PARD3B: variants seen among roughly 807,000 people sequenced by gnomAD.
PARD3B encodes the protein par-3 family cell polarity regulator beta.
PARD3B carries 103 observed loss-of-function variants against 130.2 expected under a neutral mutation model. That is an observed-to-expected ratio of 0.79 (90% confidence interval 0.67 to 0.93). The LOEUF (loss-of-function observed/expected upper bound fraction) is 0.93, where lower values mean the gene tolerates loss of function less well. PARD3B is among the 40% of genes least tolerant of loss of function. The probability of loss-of-function intolerance (pLI) is 0.00; values close to 1 mark genes in which losing one functional copy is unlikely to be tolerated. For synonymous variants in PARD3B, 583 were observed against 553.2 expected, an observed-to-expected ratio of 1.05 and a Z score of -0.76; for missense variants, 1,609 against 1,499.2, an observed-to-expected ratio of 1.07 and a Z score of -1.21.
rs141980181 is a variant in PARD3B at position 205,463,317 on chromosome 2, G to A, written c.3044+22645G>A. Among the ~76,000 whole-genome samples, 5 of 151,996 alleles carry A rather than the reference G, an allele frequency of 3.3e-5. No individual in the cohort carries two copies. The highest frequency in any genetic ancestry group is 5.9e-5 in the Non-Finnish European group (4 of 68,000). On this transcript the variant is annotated intron_variant, in intron 20 of 22. Coordinates refer to ENST00000406610, the MANE Select transcript of PARD3B (RefSeq NM_001302769.2). The surrounding 1 kb of genome is among the most constrained non-coding windows in gnomAD (Gnocchi z 4.8). ...GGAACTCAGCTGAGGTGAGGAACACGTCCACGAGTTTCCCCTGTGGGCATC... is the reference window on the plus strand; with the variant it reads ...GGAACTCAGCTGAGGTGAGGAACACATCCACGAGTTTCCCCTGTGGGCATC...
intron 4 of PARD3B, among the ~76,000 whole-genome samples, chr2:205,084,231 A>G (rs1701609781): frequency 6.6e-6 from 1 of 152,132 alleles, no homozygotes; most frequent in Non-Finnish European, 1.5e-5. Flanking sequence ...CTTAGAAGTT[A>G]GTGAAAAAAC....
intron 22 of PARD3B, among the ~76,000 whole-genome samples, chr2:205,596,308 G>A (rs917958452): frequency 6.6e-6 from 1 of 152,152 alleles, no homozygotes; most frequent in Non-Finnish European, 1.5e-5. Context: ...ACACAGTTCA[G>A]TAACCTTTGT....
chr2:204,546,128 G>A lies in PARD3B; in HGVS notation c.120+9G>A, dbSNP rs1033129969. 1.9e-6 allele frequency: 3 copies of A among 1,552,656 alleles called. No homozygotes were observed. The highest frequency in any genetic ancestry group is 1.7e-4 in the Middle Eastern group (1 of 5,994). Reference sequence around the variant, plus strand: ...TGAAGACCCGGGAGAAGGTGAGCGCGGCGCGGAGGAGTGGGGCGCGGCTGC... The same window carrying A: ...TGAAGACCCGGGAGAAGGTGAGCGCAGCGCGGAGGAGTGGGGCGCGGCTGC... On this transcript the variant is annotated intron_variant, in intron 1 of 22. Coordinates refer to ENST00000406610, the MANE Select transcript of PARD3B (RefSeq NM_001302769.2).
chr2:204,875,926 ACT>A (rs2045824813), intron 2 of PARD3B, among the ~76,000 whole-genome samples: 1 of 152,076 alleles, frequency 6.6e-6, no homozygotes, highest in South Asian at 2.1e-4. Flanking sequence ...GGACCTGCTG[ACT>A]CTGAGTAGGC....
intron 2 of PARD3B, among the ~76,000 whole-genome samples, chr2:204,803,744 TCCAGAGAAAA>T (rs1343402668): frequency 6.6e-6 from 1 of 151,984 alleles, no homozygotes; most frequent in Non-Finnish European, 1.5e-5. Context: ...AAAATATACT[TCCAGAGAAAA>T]CCACATTCAC....
intron 16 of PARD3B, among the ~76,000 whole-genome samples, chr2:205,278,141 T>C (rs2041024875): frequency 6.6e-6 from 1 of 152,164 alleles, no homozygotes; most frequent in African/African-American, 2.4e-5. Context: ...TTATTGGTTC[T>C]GGCAATTAGG....
chr2:205,393,335 G>A (rs1044643825), intron 18 of PARD3B, among the ~76,000 whole-genome samples: 2 of 152,162 alleles, frequency 1.3e-5, no homozygotes, highest in African/African-American at 4.8e-5. Flanking sequence ...ATCATGCCTA[G>A]TTTGTAAGTC....
At chr2:205,044,650 G>T (rs1284671499) in intron 3 of PARD3B, among the ~76,000 whole-genome samples, 1 of 152,060 alleles carries the variant, frequency 6.6e-6, no homozygotes, top group Non-Finnish European at 1.5e-5. Flanking sequence ...TTTTGATGGG[G>T]TTGTTTTTTT....
At chr2:205,329,510 G>A (rs984467660) in intron 18 of PARD3B, among the ~76,000 whole-genome samples, 1 of 152,142 alleles carries the variant, frequency 6.6e-6, no homozygotes, top group African/African-American at 2.4e-5. Context: ...ACTCTTGCAA[G>A]GTAACTGCAG....
chr2:204,809,764 T>C (rs1340078096), intron 2 of PARD3B, among the ~76,000 whole-genome samples: 1 of 152,190 alleles, frequency 6.6e-6, no homozygotes, highest in South Asian at 2.1e-4. Context: ...ATTGTTGTTT[T>C]CTAGTTCTGT....
chr2:205,416,433 T>C (rs1193354935), intron 19 of PARD3B, among the ~76,000 whole-genome samples: 1 of 152,136 alleles, frequency 6.6e-6, no homozygotes, highest in Non-Finnish European at 1.5e-5. Flanking sequence ...TGAAGAGAAT[T>C]AGGTTCTTGG....
At chr2:205,137,464 A>G (rs2032583347) in intron 10 of PARD3B, among the ~76,000 whole-genome samples, 1 of 152,214 alleles carries the variant, frequency 6.6e-6, no homozygotes, top group South Asian at 2.1e-4. Context: ...ACAAGACCAC[A>G]TTTTTTTAAA....
chr2:205,307,151 T>G (rs1221737093), intron 18 of PARD3B, among the ~76,000 whole-genome samples: 1 of 152,220 alleles, frequency 6.6e-6, no homozygotes, highest in Admixed American at 6.5e-5. Flanking sequence ...TTCTTGTTCT[T>G]GTTTGTGAAA....
intron 2 of PARD3B, among the ~76,000 whole-genome samples, chr2:204,709,582 A>G (rs1418222938): frequency 6.6e-6 from 1 of 152,206 alleles, no homozygotes; most frequent in Non-Finnish European, 1.5e-5. Context: ...TGTTGAACAC[A>G]GTGGACCATC....
chr2:204,630,313 G>C (rs2034633647), intron 1 of PARD3B, among the ~76,000 whole-genome samples: 3 of 152,064 alleles, frequency 2.0e-5, no homozygotes, highest in Admixed American at 1.3e-4. Flanking sequence ...AGGGTGTGAA[G>C]CATTGTTGAA....
chr2:205,165,738 TAAATAAA>T (rs1263298229), intron 11 of PARD3B, among the ~76,000 whole-genome samples: 3 of 59,686 alleles, frequency 5.0e-5, no homozygotes, highest in Non-Finnish European at 7.4e-5. Context: ...AATAAATAAA[TAAATAAA>T]TAAATAAATA....
intron 3 of PARD3B, among the ~76,000 whole-genome samples, chr2:205,047,374 T>G (rs2125412067): frequency 6.6e-6 from 1 of 152,320 alleles, no homozygotes; most frequent in African/African-American, 2.4e-5. Flanking sequence ...TGGGGAAAGA[T>G]GAGAGTTGAA....
In PARD3B at chr2:204,582,765, G is replaced by A. The variant is rs114238201; in HGVS notation, c.120+36646G>A. On this transcript the variant is annotated intron_variant, in intron 1 of 22. Coordinates refer to ENST00000406610, the MANE Select transcript of PARD3B (RefSeq NM_001302769.2). ...CATTTAACAGGGTATCTTCATGTTT[G>A]TGTAGATGTCATTTGCTTCATTAAA... 5.5e-3 allele frequency among the ~76,000 whole-genome samples: 842 copies of A among 152,334 alleles called. 5 individuals are homozygous for A. Among genetic ancestry groups the A allele is most frequent in the Non-Finnish European group, 8.6e-3 (585 of 68,020 alleles).
At chr2:204,881,245 ATGTG>A (rs2046033276) in intron 2 of PARD3B, among the ~76,000 whole-genome samples, 1 of 152,080 alleles carries the variant, frequency 6.6e-6, no homozygotes, top group Admixed American at 6.5e-5. Context: ...ACCAGTCTGT[ATGTG>A]TGTGTATCTA....
Sources: gnomAD v4.1 joint callset for allele counts (sites outside exome capture counted in the v4.1 genomes callset) on GRCh38, gnomAD v4.1.1 for gene constraint, Gnocchi (gnomAD v3.1) non-coding constraint, MANE v1.5 for transcripts, NCBI Gene and HGNC (gene_info 2026-07-23, HGNC 2026-07-21) for gene names.